RBFOX1: variants seen among roughly 807,000 people sequenced by gnomAD.
The protein encoded by RBFOX1 is RNA binding protein fox-1 homolog 1.
Under a neutral mutation model 57.7 loss-of-function variants are expected in RBFOX1, and 8 were observed. The ratio of observed to expected loss-of-function variants is 0.14; its 90% confidence interval spans 0.08 to 0.25. The LOEUF (loss-of-function observed/expected upper bound fraction) is 0.25. Among genes scored for constraint, RBFOX1 ranks in the 10% least tolerant of loss-of-function variants. The pLI is 1.00. For missense variants in RBFOX1, 611 were observed against 548.5 expected (o/e 1.11, Z -1.14); for synonymous variants, 326 against 222.4 (o/e 1.47, Z -4.15).
chr16:7,624,345 A>T (rs1357539701), intron 10 of RBFOX1, among the ~76,000 whole-genome samples: 1 of 152,244 alleles, frequency 6.6e-6, no homozygotes, highest in Non-Finnish European at 1.5e-5. Flanking sequence ...TCTAATAAAA[A>T]TTGTTCTCGA....
intron 2 of RBFOX1, among the ~76,000 whole-genome samples, chr16:6,600,529 C>A (rs180834380): frequency 5.9e-5 from 9 of 152,096 alleles, no homozygotes; most frequent in African/African-American, 1.9e-4. Flanking sequence ...CTGCTCTGGC[C>A]AGAGACGAAC....
At position 6,136,369 on chromosome 16, in the gene RBFOX1, C is replaced by G. The variant is rs115816811; in HGVS notation, c.-127+116377C>G. Among the ~76,000 whole-genome samples the G allele has an allele frequency of 3.6e-3, 553 of 152,158 alleles. 3 individuals are homozygous for G. The highest frequency in any genetic ancestry group is 0.017 in the East Asian group (87 of 5,142). ...TCGCAGTTGAGCCGTATTCCAGATA[C>G]GTGTGAGCCATATGTCTCAGGTGTT... is the stretch of plus-strand genomic sequence containing the variant. On this transcript the variant is annotated intron_variant, in intron 1 of 15. Coordinates refer to ENST00000550418, the MANE Select transcript of RBFOX1 (RefSeq NM_018723.4).
intron 4 of RBFOX1, among the ~76,000 whole-genome samples, chr16:7,379,754 C>T (rs1236300234): frequency 6.6e-6 from 1 of 151,102 alleles, no homozygotes; most frequent in Non-Finnish European, 1.5e-5. Context: ...GCTTGCCTGC[C>T]TGCCTGCCTG....
chr16:6,587,594 TC>T (rs2097648064), intron 2 of RBFOX1, among the ~76,000 whole-genome samples: 1 of 152,130 alleles, frequency 6.6e-6, no homozygotes, highest in South Asian at 2.1e-4. Context: ...GTGCTTGGCT[TC>T]CTTTAAGGCA....
intron 4 of RBFOX1, among the ~76,000 whole-genome samples, chr16:7,261,889 T>A (rs2094932979): frequency 6.6e-6 from 1 of 152,258 alleles, no homozygotes; most frequent in East Asian, 1.9e-4. Flanking sequence ...TGGGCATCAA[T>A]AGTGTGAAAA....
intron 4 of RBFOX1, among the ~76,000 whole-genome samples, chr16:7,416,564 C>G (rs2098479879): frequency 1.3e-5 from 2 of 152,116 alleles, no homozygotes; most frequent in African/African-American, 4.8e-5. Context: ...TGTAAAAGTG[C>G]AAGATCCTCT....
chr16:7,313,937 A>C (rs910172045), intron 4 of RBFOX1, among the ~76,000 whole-genome samples: 2 of 152,214 alleles, frequency 1.3e-5, no homozygotes, highest in Non-Finnish European at 2.9e-5. Flanking sequence ...CGTTGGAAGA[A>C]TAGCTCCAAT....
At chr16:6,225,980 T>G (rs1270314356) in intron 1 of RBFOX1, among the ~76,000 whole-genome samples, 1 of 152,170 alleles carries the variant, frequency 6.6e-6, no homozygotes, top group Admixed American at 6.6e-5. Context: ...CTTAAAATCA[T>G]GGGATTGTAA....
chr16:7,257,058 C>G (rs920971185), intron 4 of RBFOX1, among the ~76,000 whole-genome samples: 5 of 152,172 alleles, frequency 3.3e-5, no homozygotes, highest in Non-Finnish European at 7.4e-5. Flanking sequence ...TGTATAATTT[C>G]ATTTCCCGTG....
chr16:6,136,100 T>G (rs907844912), intron 1 of RBFOX1, among the ~76,000 whole-genome samples: 1 of 152,126 alleles, frequency 6.6e-6, no homozygotes, highest in Non-Finnish European at 1.5e-5. Flanking sequence ...TGGCCTGTTT[T>G]GACCTTTTTG....
chr16:6,047,108 T>G (rs2095503437), intron 1 of RBFOX1, among the ~76,000 whole-genome samples: 1 of 152,186 alleles, frequency 6.6e-6, no homozygotes, highest in Non-Finnish European at 1.5e-5. Context: ...TATGGAATGA[T>G]TAGTTGGCTA....
intron 4 of RBFOX1, among the ~76,000 whole-genome samples, chr16:7,318,787 C>A (rs1158338368): frequency 2.0e-5 from 3 of 152,134 alleles, no homozygotes; most frequent in African/African-American, 7.2e-5. Flanking sequence ...CAGACCCACC[C>A]CCCATCTCTC....
chr16:6,907,160 A>G (rs899388703), intron 3 of RBFOX1, among the ~76,000 whole-genome samples: 2 of 152,186 alleles, frequency 1.3e-5, no homozygotes, highest in African/African-American at 2.4e-5. Context: ...GTGTTTTACA[A>G]CTTGGCAGGG....
At chr16:5,892,961 G>A (rs908067882) in intron 4 of RBFOX1, among the ~76,000 whole-genome samples, 5 of 152,130 alleles carry the variant, frequency 3.3e-5, no homozygotes, top group East Asian at 1.9e-4. Flanking sequence ...AATGTTCAAC[G>A]AAGTCTTCCC....
At chr16:6,663,442 C>G (rs1427510758) in intron 3 of RBFOX1, among the ~76,000 whole-genome samples, 1 of 152,156 alleles carries the variant, frequency 6.6e-6, no homozygotes, top group Non-Finnish European at 1.5e-5. Flanking sequence ...TCTCTTGCCC[C>G]TGGGAGTAGG....
At chr16:5,908,425 T>A (rs2058530730) in intron 4 of RBFOX1, among the ~76,000 whole-genome samples, 1 of 151,768 alleles carries the variant, frequency 6.6e-6, no homozygotes, top group South Asian at 2.1e-4. Context: ...CGATCTTGGC[T>A]CACTACATCC....
At chr16:6,675,275 C>T (rs771996671) in intron 3 of RBFOX1, among the ~76,000 whole-genome samples, 8 of 152,146 alleles carry the variant, frequency 5.3e-5, no homozygotes, top group Non-Finnish European at 1.0e-4. Context: ...AACATATTTC[C>T]ATGTCTGAAA....
intron 2 of RBFOX1, among the ~76,000 whole-genome samples, chr16:5,591,956 A>G (rs2047022448): frequency 1.3e-5 from 2 of 152,258 alleles, no homozygotes; most frequent in Non-Finnish European, 2.9e-5. Context: ...CACTGTGTAT[A>G]AAGAATACTT....
intron 3 of RBFOX1, among the ~76,000 whole-genome samples, chr16:6,787,868 C>G (rs1005342555): frequency 6.6e-6 from 1 of 152,118 alleles, no homozygotes; most frequent in Non-Finnish European, 1.5e-5. Context: ...AAGCGTAACT[C>G]GATACTATAG....
Sources: allele counts gnomAD v4.1 joint callset (sites outside exome capture counted in the v4.1 genomes callset), GRCh38; gene constraint gnomAD v4.1.1; transcripts MANE v1.5; gene names NCBI Gene and HGNC (gene_info 2026-07-23, HGNC 2026-07-21).